Variants in TMTC1 observed in about 807,000 individuals in gnomAD.
TMTC1 encodes transmembrane O-mannosyltransferase targeting cadherins 1.
A neutral mutation model predicts 104.8 loss-of-function variants in TMTC1; 73 were observed. That is an observed-to-expected ratio of 0.70 (90% CI 0.58 to 0.85). The LOEUF (loss-of-function observed/expected upper bound fraction) is 0.85. Ranked by LOEUF, TMTC1 falls within the 40% of genes least tolerant of loss-of-function variation. The probability of loss-of-function intolerance (pLI) is 0.00; values close to 1 mark genes in which losing one functional copy is unlikely to be tolerated. For synonymous variants in TMTC1, 434 were observed against 428.7 expected (o/e 1.01, Z -0.15); for missense variants, 1,035 against 1,096.1 (o/e 0.94, Z 0.79).
intron 2 of TMTC1, among the ~76,000 whole-genome samples, chr12:29,765,383 G>C (rs766990838): frequency 6.6e-6 from 1 of 151,966 alleles, no homozygotes; most frequent in Non-Finnish European, 1.5e-5. Flanking sequence ...ACCTAAACAT[G>C]AATAGGCTCT....
chr12:29,553,923 T>C (rs955603060), intron 10 of TMTC1, among the ~76,000 whole-genome samples: 6 of 152,222 alleles, frequency 3.9e-5, no homozygotes, highest in African/African-American at 1.4e-4. Flanking sequence ...ATTATGATCA[T>C]AACTGTAGAA....
Position 29,783,313 on chromosome 12 carries a change from T to G in TMTC1, c.302+137A>C. 1.3e-6 allele frequency: 1 copy of G among 768,650 alleles called. No individual in the cohort carries two copies. The highest frequency in any genetic ancestry group is 1.8e-5 in the African/African-American group (1 of 55,380). The allele number at this position is 768,650 out of a possible 1,614,324, so 47.6% of individuals were successfully genotyped here. On this transcript the variant is annotated intron_variant, in intron 1 of 17. Transcript: ENST00000539277. This position sits in a 1 kb window ranked among gnomAD's most constrained non-coding sequence, Gnocchi z 4.7. ...CCGGAGCAAAGTGCCATGCACATCC[T>G]GGAGAGGAGGGAGGCGTGGAGGGAA...
At chr12:29,670,215 C>G (rs1007672853) in intron 5 of TMTC1, among the ~76,000 whole-genome samples, 5 of 152,168 alleles carry the variant, frequency 3.3e-5, no homozygotes, top group Non-Finnish European at 5.9e-5. Flanking sequence ...TGGATAAATT[C>G]AAGTATAATT....
At chr12:29,626,267 C>G (rs923876486) in intron 6 of TMTC1, among the ~76,000 whole-genome samples, 3 of 151,910 alleles carry the variant, frequency 2.0e-5, no homozygotes, top group African/African-American at 7.3e-5. Flanking sequence ...AGTAAAATAA[C>G]CAAACTATAT....
At chr12:29,586,163 T>C (rs1259838900) in intron 7 of TMTC1, among the ~76,000 whole-genome samples, 1 of 152,222 alleles carries the variant, frequency 6.6e-6, no homozygotes, top group Non-Finnish European at 1.5e-5. Context: ...ACATCCCTTG[T>C]AAGTTGGATT....
intron 5 of TMTC1, among the ~76,000 whole-genome samples, chr12:29,717,795 T>C (rs531451838): frequency 4.3e-4 from 66 of 152,304 alleles, no homozygotes; most frequent in Non-Finnish European, 8.7e-4. Context: ...TTATAATTCC[T>C]TCCACAAATG....
chr12:29,629,827 C>T (rs1288679047), intron 6 of TMTC1, among the ~76,000 whole-genome samples: 1 of 152,134 alleles, frequency 6.6e-6, no homozygotes, highest in Non-Finnish European at 1.5e-5. Context: ...TGTTATATAA[C>T]TTTCACCTCA....
intron 1 of TMTC1, among the ~76,000 whole-genome samples, chr12:29,768,584 C>T (rs1188965815): frequency 6.6e-6 from 1 of 152,144 alleles, no homozygotes; most frequent in Admixed American, 6.5e-5. Flanking sequence ...AACCAGGTTT[C>T]TAGATTATGC....
rs761090673 is a variant in TMTC1, at chr12:29,514,553, C to A, written c.2359G>T (p.Val787Phe). 1.2e-6 allele frequency: 2 copies of A among 1,614,020 alleles called. No individual in the cohort carries two copies. The highest frequency in any genetic ancestry group is 3.3e-5 in the Admixed American group (2 of 60,016). Residue 787 changes from valine (V) to phenylalanine (F), a missense_variant, in exon 16 of 18, where the codon GTC becomes TTC. Val to Phe is a conservative substitution (Grantham distance 50). Transcript: ENST00000539277. ...ALQLKPKDPKVISELFFTKGN... is the reference protein window; with the variant it reads ...ALQLKPKDPKFISELFFTKGN... ...TTTGTGAAAAAAAGTTCAGAAATGA[C>A]TTTTGGGTCCTTTGGTTTCAGCTGG...
chr12:29,512,007 A>C (rs1210079216), intron 17 of TMTC1, 36 bp downstream of exon 17: 42 of 1,585,282 alleles, frequency 2.6e-5, no homozygotes, highest in Non-Finnish European at 3.5e-5. Context: ...CACAGGGGGA[A>C]AGCCCGGTCC....
At chr12:29,665,386 C>T (rs542165475) in intron 5 of TMTC1, among the ~76,000 whole-genome samples, 9 of 152,238 alleles carry the variant, frequency 5.9e-5, no homozygotes, top group Admixed American at 1.3e-4. Flanking sequence ...CCCTAATCTA[C>T]GCTCCCACAT....
intron 10 of TMTC1, among the ~76,000 whole-genome samples, chr12:29,543,345 CT>C (rs766228954): frequency 1.3e-5 from 2 of 152,164 alleles, no homozygotes. Flanking sequence ...ATTTAGAGAA[CT>C]TTTTGGATTC....
At chr12:29,719,370 T>C (rs1313763946) in intron 5 of TMTC1, among the ~76,000 whole-genome samples, 2 of 152,212 alleles carry the variant, frequency 1.3e-5, no homozygotes, top group Non-Finnish European at 2.9e-5. Flanking sequence ...ATTTGCTCCA[T>C]TTGCCTGGGA....
At chr12:29,513,627 T>G (rs1289474094) in intron 16 of TMTC1, among the ~76,000 whole-genome samples, 2 of 152,210 alleles carry the variant, frequency 1.3e-5, no homozygotes, top group Non-Finnish European at 2.9e-5. Flanking sequence ...TTAGTATAAT[T>G]TTATGACTTC....
chr12:29,766,926 A>C (rs972856658), intron 2 of TMTC1, among the ~76,000 whole-genome samples: 1 of 151,000 alleles, frequency 6.6e-6, no homozygotes, highest in African/African-American at 2.4e-5. Flanking sequence ...TTAAATAAAT[A>C]TTTTAAAAAG....
At chr12:29,721,952 T>C (rs1942248007) in intron 5 of TMTC1, among the ~76,000 whole-genome samples, 1 of 152,162 alleles carries the variant, frequency 6.6e-6, no homozygotes, top group Non-Finnish European at 1.5e-5. Context: ...GGGTTTTGTT[T>C]TTCAGTTCTG....
At position 29,503,027 on chromosome 12, in the gene TMTC1, A is replaced by G. The variant is rs770208671; in HGVS notation, c.*3819T>C. On this transcript the variant is annotated 3_prime_UTR_variant, in exon 18 of 18. Transcript: ENST00000539277. Reference sequence around the variant, plus strand: ...CTCTGTTTCGCCTCAGAGTACAGTTATTGTGGGTCAGTTTTGATAGGACAG... The same window carrying G: ...CTCTGTTTCGCCTCAGAGTACAGTTGTTGTGGGTCAGTTTTGATAGGACAG... 6.6e-6 allele frequency: 1 copy of G among 152,194 alleles called. No individual in the cohort carries two copies. Among genetic ancestry groups the G allele is most frequent in the Admixed American group, 6.5e-5 (1 of 15,280 alleles). The allele number at this position is 152,194 out of a possible 1,614,324, so 9.4% of individuals were successfully genotyped here.
At chr12:29,584,432 T>C (rs1351680961) in intron 7 of TMTC1, among the ~76,000 whole-genome samples, 21 of 152,074 alleles carry the variant, frequency 1.4e-4, no homozygotes, top group Admixed American at 1.4e-3. Flanking sequence ...CTTCTTTTAT[T>C]CTTTTTTTTA....
chr12:29,538,408 A>G (rs1187609687), intron 10 of TMTC1, among the ~76,000 whole-genome samples: 1 of 152,174 alleles, frequency 6.6e-6, no homozygotes, highest in African/African-American at 2.4e-5. Flanking sequence ...AAATGCATAA[A>G]TCTTTAATAA....
Sources: allele counts gnomAD v4.1 joint callset (sites outside exome capture counted in the v4.1 genomes callset), GRCh38; gene constraint gnomAD v4.1.1; non-coding constraint Gnocchi (gnomAD v3.1); transcripts MANE v1.5; gene names NCBI Gene and HGNC (gene_info 2026-07-23, HGNC 2026-07-21).